The following FILIP1L variants were observed in gnomAD, a reference collection of about 807,000 sequenced individuals.
FILIP1L encodes the protein filamin A-interacting protein 1-like.
A neutral mutation model predicts 96.6 loss-of-function variants in FILIP1L; 55 were observed. That is an observed-to-expected ratio of 0.57 (90% CI 0.46 to 0.71). The LOEUF (loss-of-function observed/expected upper bound fraction) is 0.71, where lower values mean the gene tolerates loss of function less well. Ranked by LOEUF, FILIP1L falls within the 30% of genes least tolerant of loss-of-function variation. The pLI is 0.00. For missense variants in FILIP1L, 1,304 were observed against 1,321.2 expected (o/e 0.99, Z 0.20); for synonymous variants, 467 against 473.9 (o/e 0.99, Z 0.19).
chr3:100,015,021 T>G (rs1488669690), intron 1 of FILIP1L, among the ~76,000 whole-genome samples: 2 of 151,452 alleles, frequency 1.3e-5, no homozygotes, highest in Non-Finnish European at 2.9e-5. Context: ...GTTTTATAAT[T>G]TCAGGTTTTA....
intron 1 of FILIP1L, among the ~76,000 whole-genome samples, chr3:99,943,442 G>A (rs1707910189): frequency 6.6e-6 from 1 of 152,126 alleles, no homozygotes; most frequent in Non-Finnish European, 1.5e-5. Context: ...GGTGGCTCAT[G>A]ACTGTAATCC....
intron 4 of FILIP1L, among the ~76,000 whole-genome samples, chr3:99,885,657 C>T (rs1705869180): frequency 6.6e-6 from 1 of 152,160 alleles, no homozygotes; most frequent in African/African-American, 2.4e-5. Flanking sequence ...TAGTTAAAAA[C>T]AATATTTGTC....
chr3:99,900,477 G>C, intron 4 of FILIP1L, among the ~76,000 whole-genome samples: 1 of 152,218 alleles, frequency 6.6e-6, no homozygotes, highest in Admixed American at 6.5e-5. Context: ...CCAGATTTCA[G>C]ATGAGATAGA....
chr3:99,888,765 C>T (rs1037940450), intron 4 of FILIP1L, among the ~76,000 whole-genome samples: 56 of 152,204 alleles, frequency 3.7e-4, no homozygotes, highest in African/African-American at 1.3e-3. Context: ...ATTCTATAAC[C>T]ATCTTTGTTG....
chr3:100,025,222 A>G (rs1444001912), intron 1 of FILIP1L, among the ~76,000 whole-genome samples: 2 of 152,164 alleles, frequency 1.3e-5, no homozygotes, highest in Non-Finnish European at 2.9e-5. Context: ...CCTTCTTGCC[A>G]CTACACAGCC....
chr3:99,856,898 A>G (rs945593779), intron 4 of FILIP1L, among the ~76,000 whole-genome samples: 5 of 152,234 alleles, frequency 3.3e-5, no homozygotes, highest in African/African-American at 1.2e-4. Flanking sequence ...TCTAAATGCT[A>G]TAATACCAGT....
chr3:99,944,951 C>T (rs575009832), intron 1 of FILIP1L, among the ~76,000 whole-genome samples: 2 of 152,320 alleles, frequency 1.3e-5, no homozygotes, highest in East Asian at 3.9e-4. Flanking sequence ...ATTCAAGCTT[C>T]TTCACTACTG....
chr3:100,030,449 G>A (rs923876886), intron 1 of FILIP1L, among the ~76,000 whole-genome samples: 1 of 152,092 alleles, frequency 6.6e-6, no homozygotes, highest in Non-Finnish European at 1.5e-5. Context: ...ATTTGTAATA[G>A]GGTAATGATT....
chr3:99,922,336 T>G (rs1157688537), intron 4 of FILIP1L, among the ~76,000 whole-genome samples: 3 of 152,202 alleles, frequency 2.0e-5, no homozygotes, highest in Non-Finnish European at 4.4e-5. Context: ...AATGTCTGAG[T>G]CAAATGTTTC....
At chr3:99,979,873 T>C (rs912779662) in intron 1 of FILIP1L, among the ~76,000 whole-genome samples, 3 of 152,144 alleles carry the variant, frequency 2.0e-5, no homozygotes, top group Non-Finnish European at 2.9e-5. Context: ...GAATTTTGTG[T>C]ATTGTCTTAA....
chr3:99,883,188 T>G (rs1576545787), intron 4 of FILIP1L, among the ~76,000 whole-genome samples: 1 of 152,214 alleles, frequency 6.6e-6, no homozygotes, highest in Non-Finnish European at 1.5e-5. Flanking sequence ...CTAGTTGTTA[T>G]TAATCAGTGC....
At chr3:99,863,726 C>T (rs1006833853) in intron 4 of FILIP1L, among the ~76,000 whole-genome samples, 1 of 152,248 alleles carries the variant, frequency 6.6e-6, no homozygotes, top group East Asian at 1.9e-4. Flanking sequence ...TGTATTAAAA[C>T]GTATACTAGG....
intron 4 of FILIP1L, 81 bp downstream of exon 4, chr3:99,924,149 A>G: frequency 8.7e-7 from 1 of 1,151,266 alleles, no homozygotes; most frequent in Non-Finnish European, 1.3e-6. Flanking sequence ...TGTCATATTT[A>G]TCTTTGTATC....
chr3:99,959,826 C>T (rs1286070936), intron 1 of FILIP1L, among the ~76,000 whole-genome samples: 1 of 152,044 alleles, frequency 6.6e-6, no homozygotes, highest in African/African-American at 2.4e-5. Flanking sequence ...TTTAGAATTA[C>T]CCAACAGTAA....
intron 1 of FILIP1L, among the ~76,000 whole-genome samples, chr3:99,976,850 T>C (rs1708987077): frequency 6.6e-6 from 1 of 152,168 alleles, no homozygotes; most frequent in Admixed American, 6.5e-5. Flanking sequence ...TGTTCTTTCC[T>C]CCTGTTCAGT....
At chr3:99,943,788 G>A (rs1707923299) in intron 1 of FILIP1L, among the ~76,000 whole-genome samples, 1 of 152,194 alleles carries the variant, frequency 6.6e-6, no homozygotes, top group South Asian at 2.1e-4. Context: ...GTAATAAACA[G>A]CATGGTAGAC....
chr3:99,829,212 T>G lies in FILIP1L; in HGVS notation c.*1202A>C, dbSNP rs1942597498. The stretch of plus-strand genomic sequence containing the variant: ...TTAGTGAAGGATCACAAAAAATGTT[T>G]AGTGTCGTTCCATTGATTTTTTTCC... On this transcript the variant is annotated 3_prime_UTR_variant, in exon 6 of 6. Coordinates refer to ENST00000477258, the MANE Select transcript of FILIP1L (RefSeq NM_001387850.1). Among the ~76,000 whole-genome samples the G allele has an allele frequency of 1.4e-5, 2 of 143,676 alleles. No homozygotes were observed. Among genetic ancestry groups the G allele is most frequent in the South Asian group, 4.6e-4 (2 of 4,320 alleles). 94.3% of individuals were successfully genotyped at this position (143,676 alleles called of 152,430 possible). A position where few individuals can be genotyped will look rare whatever the true frequency, so the allele number is the denominator to read the frequency against.
At chr3:99,902,649 T>G (rs1020736088) in intron 4 of FILIP1L, among the ~76,000 whole-genome samples, 4 of 152,184 alleles carry the variant, frequency 2.6e-5, no homozygotes, top group African/African-American at 9.7e-5. Context: ...ACCAAAAAGA[T>G]TAACAAGTCA....
At chr3:99,924,588 G>A (rs1158258390) in intron 3 of FILIP1L, among the ~76,000 whole-genome samples, 180 bp from the exon 4 acceptor site, 1 of 152,088 alleles carries the variant, frequency 6.6e-6, no homozygotes, top group East Asian at 1.9e-4. Context: ...GCGCGATCTC[G>A]ACTCACTGCA....
Sources: gnomAD v4.1 joint callset for allele counts (sites outside exome capture counted in the v4.1 genomes callset) on GRCh38, gnomAD v4.1.1 for gene constraint, MANE v1.5 for transcripts, NCBI Gene and HGNC (gene_info 2026-07-23, HGNC 2026-07-21) for gene names.